Variants in DLG2 observed in about 807,000 individuals in gnomAD.
DLG2 encodes the protein discs large MAGUK scaffold protein 2, also known as disks large homolog 2.
Under a neutral mutation model 132.5 loss-of-function variants are expected in DLG2, and 45 were observed. The ratio of observed to expected loss-of-function variants is 0.34; its 90% CI spans 0.27 to 0.44. The LOEUF is 0.44. DLG2 is among the 20% of genes least tolerant of loss of function. DLG2 has a pLI of 1.00. For missense variants in DLG2, 1,045 were observed against 1,196.9 expected, an observed-to-expected ratio of 0.87 and a Z score of 1.87; for synonymous variants, 424 against 419.6, an observed-to-expected ratio of 1.01 and a Z score of -0.13.
intron 15 of DLG2, among the ~76,000 whole-genome samples, chr11:83,930,083 C>G (rs2079854111): frequency 6.6e-6 from 1 of 152,048 alleles, no homozygotes; most frequent in Non-Finnish European, 1.5e-5. Context: ...TGTATAGGAA[C>G]CAGGAACATG....
At chr11:84,232,823 T>C (rs1489531639) in intron 8 of DLG2, among the ~76,000 whole-genome samples, 1 of 152,176 alleles carries the variant, frequency 6.6e-6, no homozygotes, top group African/African-American at 2.4e-5. Flanking sequence ...AAAGAGAGTT[T>C]ATAAATAAGA....
At chr11:85,070,972 G>C (rs2065780661) in intron 6 of DLG2, among the ~76,000 whole-genome samples, 1 of 151,842 alleles carries the variant, frequency 6.6e-6, no homozygotes, top group African/African-American at 2.4e-5. Flanking sequence ...ACTGGAGTCA[G>C]TCTGTCTGAG....
rs757315881 is a variant in DLG2, at chr11:83,833,623, C to G, written c.1713G>C (p.Gln571His). ...DLSGELQRGDQILSVNGIDLR... is the reference protein window; with the variant it reads ...DLSGELQRGDHILSVNGIDLR... ...AAAGAAACATACTCACCGATAGGAT[C>G]TGGTCTCCTCTCTGGAGCTCCCCAC... Residue 571 changes from glutamine (Q) to histidine (H), a missense_variant, in exon 17 of 28, where the codon CAG (glutamine) becomes CAC (histidine). Physicochemically the swap from Gln to His is conservative, Grantham distance 24. Coordinates refer to ENST00000376104, the MANE Select transcript of DLG2 (RefSeq NM_001142699.3). 3.1e-6 allele frequency: 5 copies of G among 1,613,752 alleles called. No individual in the cohort carries two copies. Among genetic ancestry groups the G allele is most frequent in the Non-Finnish European group, 4.2e-6 (5 of 1,179,800 alleles).
intron 14 of DLG2, among the ~76,000 whole-genome samples, chr11:83,932,198 C>T (rs73508255): frequency 0.094 from 14,230 of 151,870 alleles, 1,359 homozygotes; most frequent in African/African-American, 0.25. Flanking sequence ...AGTAAAAATC[C>T]CCTTTCAAGT....
At chr11:85,437,035 C>A (rs191879592) in intron 3 of DLG2, among the ~76,000 whole-genome samples, 1 of 152,242 alleles carries the variant, frequency 6.6e-6, no homozygotes, top group East Asian at 1.9e-4. Flanking sequence ...TCATTCTCAG[C>A]AAACTAACAC....
chr11:84,348,102 A>T (rs1050195523), intron 7 of DLG2, among the ~76,000 whole-genome samples: 2 of 152,340 alleles, frequency 1.3e-5, no homozygotes, highest in Non-Finnish European at 2.9e-5. Context: ...TGCTCAACAA[A>T]TATCATATAG....
intron 5 of DLG2, among the ~76,000 whole-genome samples, chr11:85,154,347 C>A (rs2077459578): frequency 1.3e-5 from 2 of 152,026 alleles, no homozygotes; most frequent in Admixed American, 1.3e-4. Flanking sequence ...AACACAGAAC[C>A]CAAAATAAAA....
chr11:83,799,433 C>T lies in DLG2; in HGVS notation c.1723-12641G>A, dbSNP rs918263413. Among the ~76,000 whole-genome samples, 4 of 152,220 alleles carry T rather than the reference C, an allele frequency of 2.6e-5. No homozygotes were observed. In the East Asian group the frequency reaches 5.8e-4, roughly 22 times the overall value. ...GGTAGGAAGTATCCCAGTAGATAAT[C>T]GGATGTGATACTATTGAAGTGTTAC... is the stretch of plus-strand genomic sequence containing the variant. On this transcript the variant is annotated intron_variant, in intron 17 of 27. Transcript: ENST00000376104.
chr11:84,034,217 T>A (rs1227686548), intron 11 of DLG2, among the ~76,000 whole-genome samples: 2 of 152,180 alleles, frequency 1.3e-5, no homozygotes, highest in African/African-American at 4.8e-5. Flanking sequence ...TGAGGCAATA[T>A]CTTCTGCCAG....
intron 14 of DLG2, among the ~76,000 whole-genome samples, chr11:83,941,671 G>A (rs2082702140): frequency 6.6e-6 from 1 of 152,120 alleles, no homozygotes; most frequent in South Asian, 2.1e-4. Flanking sequence ...TGGGATGACA[G>A]GTGTAAGCCA....
At chr11:84,599,607 A>G (rs1291847912) in intron 6 of DLG2, among the ~76,000 whole-genome samples, 1 of 152,202 alleles carries the variant, frequency 6.6e-6, no homozygotes. Flanking sequence ...TTTTACACCT[A>G]CAGGCTTAAG....
At chr11:84,298,028 C>G (rs994319225) in intron 7 of DLG2, among the ~76,000 whole-genome samples, 2 of 152,146 alleles carry the variant, frequency 1.3e-5, no homozygotes, top group Non-Finnish European at 2.9e-5. Context: ...TCCAACCTAT[C>G]CTCCATATCA....
chr11:83,538,736 G>A (rs1398999629), intron 20 of DLG2, among the ~76,000 whole-genome samples: 1 of 152,206 alleles, frequency 6.6e-6, no homozygotes, highest in Admixed American at 6.5e-5. Flanking sequence ...TCTGTCTGCT[G>A]CCGTTTCACT....
At chr11:85,337,009 C>T (rs779443122) in intron 3 of DLG2, among the ~76,000 whole-genome samples, 24 of 152,118 alleles carry the variant, frequency 1.6e-4, no homozygotes, top group Admixed American at 9.2e-4. Context: ...TATTCACATG[C>T]TTTCTTAAAA....
chr11:83,753,953 C>T (rs1289999876), intron 18 of DLG2, among the ~76,000 whole-genome samples: 3 of 143,318 alleles, frequency 2.1e-5, no homozygotes, highest in South Asian at 2.1e-4. Flanking sequence ...TTTAAATTAT[C>T]GAATTACATG....
chr11:84,622,948 T>C (rs1036699376), intron 6 of DLG2, among the ~76,000 whole-genome samples: 4 of 152,254 alleles, frequency 2.6e-5, no homozygotes, highest in South Asian at 2.1e-4. Context: ...AATTTTATCA[T>C]TGTGCTATCC....
At chr11:85,367,017 G>T (rs1229893464) in intron 3 of DLG2, among the ~76,000 whole-genome samples, 1 of 152,018 alleles carries the variant, frequency 6.6e-6, no homozygotes, top group Non-Finnish European at 1.5e-5. Context: ...TTTTACTAAA[G>T]ATACTGTTGC....
intron 3 of DLG2, among the ~76,000 whole-genome samples, chr11:85,544,946 T>G (rs546552751): frequency 6.6e-6 from 1 of 152,342 alleles, no homozygotes; most frequent in South Asian, 2.1e-4. Context: ...CAGAAACAAT[T>G]TGACTTCCTC....
chr11:85,459,457 T>C (rs921359701), intron 3 of DLG2, among the ~76,000 whole-genome samples: 8 of 152,064 alleles, frequency 5.3e-5, no homozygotes, highest in African/African-American at 1.2e-4. Context: ...GGCAGAACCA[T>C]TGCTGTGGCA....
Sources: allele counts gnomAD v4.1 joint callset (sites outside exome capture counted in the v4.1 genomes callset), GRCh38; gene constraint gnomAD v4.1.1; transcripts MANE v1.5; gene names NCBI Gene and HGNC (gene_info 2026-07-23, HGNC 2026-07-21).